AGMO: variants seen among roughly 807,000 people sequenced by gnomAD.
AGMO encodes the protein alkylglycerol monooxygenase.
AGMO carries 75 observed loss-of-function variants against 60.2 expected under a neutral mutation model. That is an observed-to-expected ratio of 1.25 (90% CI 1.03 to 1.51). AGMO has a LOEUF of 1.51. AGMO is among the 40% of genes most tolerant of loss of function. The pLI, the probability that AGMO is intolerant of heterozygous loss-of-function variation, is 0.00. For missense variants in AGMO, 763 were observed against 525.5 expected, an observed-to-expected ratio of 1.45 and a Z score of -4.42; for synonymous variants, 261 against 177.1, an observed-to-expected ratio of 1.47 and a Z score of -3.76.
At chr7:15,304,666 C>G (rs950459206) in intron 12 of AGMO, among the ~76,000 whole-genome samples, 4 of 151,894 alleles carry the variant, frequency 2.6e-5, no homozygotes, top group Non-Finnish European at 5.9e-5. Context: ...TTTATAGGGC[C>G]ATGATTTGTC....
intron 12 of AGMO, among the ~76,000 whole-genome samples, chr7:15,355,728 A>T (rs1782506475): frequency 6.6e-6 from 1 of 152,132 alleles, no homozygotes; most frequent in Non-Finnish European, 1.5e-5. Flanking sequence ...TAATAGTACC[A>T]TCTTCATACA....
At chr7:15,239,769 G>T (rs1038936605) in intron 12 of AGMO, among the ~76,000 whole-genome samples, 1 of 151,992 alleles carries the variant, frequency 6.6e-6, no homozygotes, top group African/African-American at 2.4e-5. Context: ...CACTTATTAA[G>T]TACACTTACA....
chr7:15,239,538 T>C (rs1782528117), intron 12 of AGMO, among the ~76,000 whole-genome samples: 1 of 152,166 alleles, frequency 6.6e-6, no homozygotes, highest in East Asian at 1.9e-4. Flanking sequence ...TATATGGGTA[T>C]GTGGTTCTCT....
chr7:15,389,159 G>A (rs928534022), intron 8 of AGMO, among the ~76,000 whole-genome samples: 1 of 152,112 alleles, frequency 6.6e-6, no homozygotes, highest in Admixed American at 6.5e-5. Flanking sequence ...GGCAGCACTG[G>A]CATCATACAG....
chr7:15,457,307 A>G (rs1782024498), intron 3 of AGMO, among the ~76,000 whole-genome samples: 1 of 152,188 alleles, frequency 6.6e-6, no homozygotes, highest in Admixed American at 6.5e-5. Flanking sequence ...CATGACATTC[A>G]TTACAATAAC....
chr7:15,222,106 T>C (rs986637717), intron 12 of AGMO, among the ~76,000 whole-genome samples: 4 of 152,148 alleles, frequency 2.6e-5, no homozygotes, highest in African/African-American at 7.2e-5. Flanking sequence ...TAAAGCAAGA[T>C]GTAAGCTTCA....
At chr7:15,154,874 A>G in the AGMO span, among the ~76,000 whole-genome samples, 1 of 152,192 alleles carries the variant, frequency 6.6e-6, no homozygotes, top group East Asian at 1.9e-4. Context: ...TTGGCCAGAT[A>G]TGAAATTCTT....
At chr7:15,291,748 C>T (rs1478199336) in intron 12 of AGMO, among the ~76,000 whole-genome samples, 3 of 152,060 alleles carry the variant, frequency 2.0e-5, no homozygotes, top group East Asian at 1.9e-4. Context: ...ATAAATGCAT[C>T]GTAGAAACAT....
intron 5 of AGMO, among the ~76,000 whole-genome samples, chr7:15,400,616 C>A (rs1273932170): frequency 1.3e-5 from 2 of 152,046 alleles, no homozygotes; most frequent in Admixed American, 6.6e-5. Context: ...AAGCATGAGT[C>A]TGGAGCTCTT....
intron 12 of AGMO, among the ~76,000 whole-genome samples, chr7:15,317,927 G>GTATATATATATATATACACACACGTA (rs150303018): frequency 7.9e-6 from 1 of 126,758 alleles, no homozygotes; most frequent in East Asian, 2.1e-4. Context: ...ATACACACAC[G>GTATATATATATATATACACACACGTA]TATATATATA....
At chr7:15,474,490 C>T (rs114147204) in intron 3 of AGMO, among the ~76,000 whole-genome samples, 2,903 of 152,064 alleles carry the variant, frequency 0.019, 80 homozygotes, top group African/African-American at 0.062. Context: ...AACTGGATAG[C>T]GATATGCAGA....
chr7:15,316,607 T>TAC (rs1272399466), intron 12 of AGMO, among the ~76,000 whole-genome samples: 1 of 82,418 alleles, frequency 1.2e-5, no homozygotes, highest in Non-Finnish European at 2.4e-5. Flanking sequence ...TCCCAACAAA[T>TAC]ATACACACAC....
At chr7:15,337,442 A>C (rs979386705) in intron 12 of AGMO, among the ~76,000 whole-genome samples, 1 of 152,172 alleles carries the variant, frequency 6.6e-6, no homozygotes, top group East Asian at 1.9e-4. Flanking sequence ...GTAGCCTTGC[A>C]CAACTCAAGG....
the AGMO span, among the ~76,000 whole-genome samples, chr7:15,152,618 C>T: frequency 6.6e-6 from 1 of 152,088 alleles, no homozygotes; most frequent in Admixed American, 6.6e-5. Context: ...TCCCGAGTTA[C>T]TTAACTTAAA....
chr7:15,193,328 C>T, the AGMO span, among the ~76,000 whole-genome samples: 1 of 152,086 alleles, frequency 6.6e-6, no homozygotes, highest in Admixed American at 6.6e-5. Flanking sequence ...TTCAGAATAA[C>T]GTTTCAAAAA....
At chr7:15,381,941 T>C (rs1384801951) in intron 10 of AGMO, among the ~76,000 whole-genome samples, 1 of 152,114 alleles carries the variant, frequency 6.6e-6, no homozygotes, top group African/African-American at 2.4e-5. Context: ...AAATACTGCA[T>C]GTTCTCACTT....
At chr7:15,305,302 T>C (rs1424039793) in intron 12 of AGMO, among the ~76,000 whole-genome samples, 1 of 151,806 alleles carries the variant, frequency 6.6e-6, no homozygotes, top group Non-Finnish European at 1.5e-5. Flanking sequence ...AAAATAAGGT[T>C]TGAAGATTAT....
intron 2 of AGMO, among the ~76,000 whole-genome samples, chr7:15,556,992 A>C (rs1785161108): frequency 6.6e-6 from 1 of 152,036 alleles, no homozygotes; most frequent in Admixed American, 6.6e-5. Context: ...ACAGGCTTGT[A>C]AACAAGACAT....
chr7:15,161,362 T>C, the AGMO span, among the ~76,000 whole-genome samples: 7 of 152,194 alleles, frequency 4.6e-5, no homozygotes, highest in South Asian at 1.5e-3. Flanking sequence ...AGACTCAAGC[T>C]GCAATTATCA....
Sources: allele counts gnomAD v4.1 joint callset (sites outside exome capture counted in the v4.1 genomes callset), GRCh38; gene constraint gnomAD v4.1.1; transcripts MANE v1.5; gene names NCBI Gene and HGNC (gene_info 2026-07-23, HGNC 2026-07-21).